ZCWPW2: variants seen among roughly 807,000 people sequenced by gnomAD.
The protein encoded by ZCWPW2 is zinc finger CW-type and PWWP domain containing 2.
Under a neutral mutation model 46.6 loss-of-function variants are expected in ZCWPW2, and 45 were observed. That is an observed-to-expected ratio of 0.96 (90% CI 0.76 to 1.24). The LOEUF is 1.24. ZCWPW2 is among the 50% of genes most tolerant of loss of function. The probability of loss-of-function intolerance (pLI) is 0.00; values close to 1 mark genes in which losing one functional copy is unlikely to be tolerated. For missense variants in ZCWPW2, 429 were observed against 403.9 expected (o/e 1.06, Z -0.53); for synonymous variants, 152 against 137.1 (o/e 1.11, Z -0.76).
chr3:28,412,040 T>C lies in ZCWPW2; in HGVS notation c.-13-1016T>C, dbSNP rs149935800. Among the ~76,000 whole-genome samples the C allele has an allele frequency of 1.9e-3, 286 of 152,124 alleles. 1 individual carries two copies. Among genetic ancestry groups the C allele is most frequent in the African/African-American group, 6.4e-3 (265 of 41,546 alleles). ...GCAATTTGCAGTGGCCCTGGTAAGA[T>C]ATGTGACAAATGTAAGTAAGTGAGC... On this transcript the variant is annotated intron_variant, in intron 2 of 9. Transcript: ENST00000383768.
At chr3:28,394,220 G>A (rs1030757108) in intron 2 of ZCWPW2, among the ~76,000 whole-genome samples, 2 of 152,042 alleles carry the variant, frequency 1.3e-5, no homozygotes, top group African/African-American at 2.4e-5. Flanking sequence ...TAACCATGGA[G>A]ATGAGAGATC....
At chr3:28,436,591 C>A (rs1046933585) in intron 4 of ZCWPW2, among the ~76,000 whole-genome samples, 2 of 151,874 alleles carry the variant, frequency 1.3e-5, no homozygotes, top group African/African-American at 4.8e-5. Context: ...ATATCTTTGG[C>A]AAATATATAG....
In ZCWPW2 at chr3:28,489,668, GCACACACA is replaced by G. The variant is rs1209352772; in HGVS notation, c.611-2429_611-2422del. 3.1e-3 allele frequency among the ~76,000 whole-genome samples: 124 copies of G among 39,582 alleles called. 1 individual carries two copies. Among genetic ancestry groups the G allele is most frequent in the African/African-American group, 6.4e-3 (94 of 14,736 alleles). The allele number at this position is 39,582 out of a possible 152,430, so 26.0% of individuals were successfully genotyped here. A position where few individuals can be genotyped will look rare whatever the true frequency, so the allele number is the denominator to read the frequency against. On this transcript the variant is annotated intron_variant, in intron 5 of 9. Coordinates refer to ENST00000383768, the MANE Select transcript of ZCWPW2 (RefSeq NM_001040432.4). ...CTCTCTCTTTCACACACACACGCGCGCACACACACACACACACACACACACACACACAC... is the reference window on the plus strand; with the variant it reads ...CTCTCTCTTTCACACACACACGCGCGCACACACACACACACACACACACAC...
intron 6 of ZCWPW2, among the ~76,000 whole-genome samples, chr3:28,493,075 A>G (rs1699870001): frequency 9.4e-6 from 1 of 105,868 alleles, no homozygotes; most frequent in South Asian, 3.0e-4. Context: ...TGGCTTATAA[A>G]TATAGGAATC....
At chr3:28,469,463 G>A (rs1249521956) in intron 4 of ZCWPW2, among the ~76,000 whole-genome samples, 1 of 152,012 alleles carries the variant, frequency 6.6e-6, no homozygotes, top group Non-Finnish European at 1.5e-5. Flanking sequence ...ATGATCCATT[G>A]CTTACAAGAA....
intron 1 of ZCWPW2, among the ~76,000 whole-genome samples, chr3:28,370,575 G>T (rs1337878048): frequency 6.6e-6 from 1 of 152,190 alleles, no homozygotes; most frequent in East Asian, 1.9e-4. Context: ...AAAGACGGTA[G>T]TGACTAGGGA....
intron 1 of ZCWPW2, among the ~76,000 whole-genome samples, chr3:28,387,050 C>T (rs1695302607): frequency 6.6e-6 from 1 of 152,182 alleles, no homozygotes; most frequent in Non-Finnish European, 1.5e-5. Flanking sequence ...CGCCCAGCAT[C>T]AGCTCTCTCT....
chr3:28,376,196 T>C (rs1705495753), intron 1 of ZCWPW2, among the ~76,000 whole-genome samples: 1 of 152,046 alleles, frequency 6.6e-6, no homozygotes, highest in African/African-American at 2.4e-5. Context: ...TTTTAGTGAA[T>C]CTATTATAGG....
At chr3:28,445,338 A>C (rs1026065869) in intron 4 of ZCWPW2, among the ~76,000 whole-genome samples, 1 of 152,076 alleles carries the variant, frequency 6.6e-6, no homozygotes, top group Non-Finnish European at 1.5e-5. Flanking sequence ...ATACTGATGC[A>C]CTGCAAAGAA....
rs375696036 is a variant in ZCWPW2 at position 28,478,357 on chromosome 3, C to T, written c.493-457C>T. 54 of 276,416 alleles carry T rather than the reference C, an allele frequency of 2.0e-4. 2 individuals are homozygous for T. Among genetic ancestry groups the T allele is most frequent in the East Asian group, 1.3e-3 (9 of 6,962 alleles). 17.1% of individuals were successfully genotyped at this position (276,416 alleles called of 1,614,324 possible). A position where few individuals can be genotyped will look rare whatever the true frequency, so the allele number is the denominator to read the frequency against. On this transcript the variant is annotated intron_variant, in intron 4 of 9. Coordinates refer to ENST00000383768, the MANE Select transcript of ZCWPW2 (RefSeq NM_001040432.4). ...CTCCCAGGTTCAAGCAGTTCTCCTA[C>T]CTCAGCCTCCCAAGTAGCTGGGAAT...
intron 2 of ZCWPW2, among the ~76,000 whole-genome samples, chr3:28,396,381 C>G (rs1447010052): frequency 1.3e-5 from 2 of 152,046 alleles, no homozygotes; most frequent in Non-Finnish European, 2.9e-5. Context: ...GTAGGCAGGA[C>G]ACAAATAAGT....
intron 3 of ZCWPW2, among the ~76,000 whole-genome samples, chr3:28,426,547 T>A (rs992424236): frequency 9.2e-5 from 14 of 152,320 alleles, no homozygotes; most frequent in South Asian, 2.1e-4. Flanking sequence ...AGTATATAAA[T>A]TGATAAATTG....
chr3:28,508,706 T>G (rs141052625), intron 6 of ZCWPW2, among the ~76,000 whole-genome samples: 286 of 152,230 alleles, frequency 1.9e-3, no homozygotes, highest in African/African-American at 6.5e-3. Flanking sequence ...TTTTGTACTT[T>G]TAGTAGAGAC....
intron 1 of ZCWPW2, among the ~76,000 whole-genome samples, chr3:28,385,343 T>C (rs896310273): frequency 6.6e-6 from 1 of 152,218 alleles, no homozygotes; most frequent in African/African-American, 2.4e-5. Context: ...TAGAGGGATC[T>C]TGACTGTTGG....
At chr3:28,506,857 A>G (rs539812442) in intron 6 of ZCWPW2, among the ~76,000 whole-genome samples, 43 of 152,280 alleles carry the variant, frequency 2.8e-4, no homozygotes, top group African/African-American at 1.0e-3. Flanking sequence ...ACTGGTCCAT[A>G]GGTAAACAAT....
At position 28,420,075 on chromosome 3, in the gene ZCWPW2, T is replaced by TTA. The variant is rs1553634701; in HGVS notation, c.332+6675_332+6676insTA. ...TGTACCCTAATACCGAAAGTATAAT[T>TTA]AAAAAAAAAAACAGCTCCTGGAATC... On this transcript the variant is annotated intron_variant, in intron 3 of 9. Coordinates refer to ENST00000383768, the MANE Select transcript of ZCWPW2 (RefSeq NM_001040432.4). Among the ~76,000 whole-genome samples, 166 of 148,698 alleles carry TTA rather than the reference T, an allele frequency of 1.1e-3. 1 individual carries two copies. The highest frequency in any genetic ancestry group is 3.8e-3 in the African/African-American group (153 of 40,494).
chr3:28,403,943 A>C (rs1423424872), intron 2 of ZCWPW2, among the ~76,000 whole-genome samples: 3 of 152,194 alleles, frequency 2.0e-5, no homozygotes, highest in Admixed American at 2.0e-4. Flanking sequence ...TAAAAATTCT[A>C]GAAGATAATA....
At chr3:28,450,172 T>C (rs554279996) in intron 4 of ZCWPW2, among the ~76,000 whole-genome samples, 2 of 152,310 alleles carry the variant, frequency 1.3e-5, no homozygotes, top group East Asian at 3.9e-4. Context: ...ACTTGAGGCA[T>C]TACAGTTTTG....
intron 6 of ZCWPW2, among the ~76,000 whole-genome samples, chr3:28,509,452 A>G (rs1700367557): frequency 6.6e-6 from 1 of 152,186 alleles, no homozygotes; most frequent in African/African-American, 2.4e-5. Flanking sequence ...CCAGCAATAA[A>G]TAAAGATTTC....
Sources: allele counts gnomAD v4.1 joint callset (sites outside exome capture counted in the v4.1 genomes callset), GRCh38; gene constraint gnomAD v4.1.1; transcripts MANE v1.5; gene names NCBI Gene and HGNC (gene_info 2026-07-23, HGNC 2026-07-21).